The following CDK13 variants were observed in gnomAD, a reference collection of about 807,000 sequenced individuals.
CDK13 encodes cyclin-dependent kinase 13.
A neutral mutation model predicts 137.6 loss-of-function variants in CDK13; 40 were observed. The observed-to-expected ratio is 0.29, with a 90% CI of 0.23 to 0.38. The LOEUF (loss-of-function observed/expected upper bound fraction) is 0.38. CDK13 is among the 10% of genes least tolerant of loss of function. The pLI is 1.00. For synonymous variants in CDK13, 869 were observed against 760.1 expected (o/e 1.14, Z -2.36); for missense variants, 1,704 against 1,951.8 (o/e 0.87, Z 2.39).
intron 12 of CDK13, among the ~76,000 whole-genome samples, chr7:40,089,095 G>A (rs1786856531): frequency 2.0e-5 from 3 of 151,044 alleles, no homozygotes; most frequent in Admixed American, 1.3e-4. Flanking sequence ...ATGTGTGTGT[G>A]TGTGTGTGAG....
chr7:40,088,972 C>T (rs966653683), intron 12 of CDK13, among the ~76,000 whole-genome samples: 5 of 151,818 alleles, frequency 3.3e-5, no homozygotes, highest in East Asian at 1.9e-4. Flanking sequence ...CCCAGCTACT[C>T]GGATGCTGAG....
At chr7:39,972,697 C>G (rs1784025832) in intron 1 of CDK13, among the ~76,000 whole-genome samples, 1 of 152,102 alleles carries the variant, frequency 6.6e-6, no homozygotes, top group East Asian at 1.9e-4. Context: ...GGTTATGCCA[C>G]ATTTTATCAT....
rs1562692808 is a variant in CDK13, at chr7:39,951,543, G to C, written c.902G>C (p.Arg301Pro). 6.5e-7 allele frequency: 1 copy of C among 1,537,462 alleles called. No homozygotes were observed. Among genetic ancestry groups the C allele is most frequent in the Non-Finnish European group, 8.7e-7 (1 of 1,144,396 alleles). Reference protein sequence around the residue: ...SAYKEPPKAYREDKTEPKAYR... With the variant: ...SAYKEPPKAYPEDKTEPKAYR... ...TACAAGGAACCGCCCAAGGCCTACC[G>C]GGAGGACAAGACCGAGCCTAAGGCC... Residue 301 changes from arginine to proline, a missense_variant, in exon 1 of 14, where the codon CGG becomes CCG. Arg to Pro is a moderately radical substitution (Grantham distance 103). Around this residue, in one of 5 missense-constraint regions of CDK13, gnomAD observed 1,051 missense variants for 931.0 expected, o/e 1.13. Transcript: ENST00000181839.
At position 40,062,823 on chromosome 7, in the gene CDK13, T is replaced by A. The variant is rs1786184625; in HGVS notation, c.2601-3T>A. 6.2e-7 allele frequency: 1 copy of A among 1,603,370 alleles called. No individual in the cohort carries two copies. Among genetic ancestry groups the A allele is most frequent in the South Asian group, 1.1e-5 (1 of 90,748 alleles). On this transcript the variant is annotated splice_polypyrimidine_tract_variant and splice_region_variant and intron_variant, in intron 7 of 13. Transcript: ENST00000181839. ...TCTAAAGACTGTTTTCTGTGTTTTT[T>A]AGTCGGCCGTATACTAACAAGGTAA...
chr7:40,078,317 T>C (rs906100780), intron 10 of CDK13, 196 bp downstream of exon 10: 8 of 415,734 alleles, frequency 1.9e-5, no homozygotes, highest in South Asian at 1.8e-4. Flanking sequence ...TGAGATTGTG[T>C]GTTTGGTTTG....
intron 1 of CDK13, among the ~76,000 whole-genome samples, chr7:39,966,297 C>A (rs1783868713): frequency 6.6e-6 from 1 of 152,198 alleles, no homozygotes; most frequent in South Asian, 2.1e-4. Context: ...TTCCATATTT[C>A]TTGGAGGCTT....
At chr7:40,021,151 A>ACACACACG (rs1438280850) in intron 5 of CDK13, among the ~76,000 whole-genome samples, 1 of 151,218 alleles carries the variant, frequency 6.6e-6, no homozygotes, top group Non-Finnish European at 1.5e-5. Context: ...ACACACACAC[A>ACACACACG]TAAAGTTTTA....
intron 6 of CDK13, among the ~76,000 whole-genome samples, chr7:40,046,560 T>G (rs1461830261): frequency 6.6e-6 from 1 of 151,966 alleles, no homozygotes; most frequent in Non-Finnish European, 1.5e-5. Context: ...GGCATGAGAA[T>G]TGCTTGAATC....
chr7:40,032,076 T>C (rs2150505633), intron 5 of CDK13, among the ~76,000 whole-genome samples: 1 of 152,058 alleles, frequency 6.6e-6, no homozygotes, highest in Admixed American at 6.6e-5. Context: ...TTTTGTTTTG[T>C]TTCAGGTCCT....
chr7:40,051,125 A>G (rs1297563247), intron 7 of CDK13, among the ~76,000 whole-genome samples: 1 of 152,192 alleles, frequency 6.6e-6, no homozygotes, highest in East Asian at 1.9e-4. Context: ...TTAAAGTCCC[A>G]TAACTTTGCA....
chr7:40,041,657 A>G (rs1375893114), intron 5 of CDK13, among the ~76,000 whole-genome samples: 1 of 152,140 alleles, frequency 6.6e-6, no homozygotes, highest in Admixed American at 6.5e-5. Flanking sequence ...TGTGTTACAT[A>G]ATGCCACCAA....
At chr7:40,053,355 T>C (rs1785935310) in intron 7 of CDK13, among the ~76,000 whole-genome samples, 2 of 152,214 alleles carry the variant, frequency 1.3e-5, no homozygotes, top group South Asian at 4.1e-4. Flanking sequence ...TTTCCCGTTT[T>C]AGTTAAAGGT....
intron 1 of CDK13, among the ~76,000 whole-genome samples, chr7:39,979,807 AAGAG>A (rs1239132802): frequency 6.6e-6 from 1 of 152,122 alleles, no homozygotes; most frequent in African/African-American, 2.4e-5. Flanking sequence ...ATTTTTATAA[AAGAG>A]AGGCTGTAGG....
chr7:39,954,740 A>G (rs185437374), intron 1 of CDK13, among the ~76,000 whole-genome samples: 2 of 152,352 alleles, frequency 1.3e-5, no homozygotes, highest in East Asian at 3.9e-4. Context: ...ATGCATACAC[A>G]TTCAAAATAG....
intron 5 of CDK13, among the ~76,000 whole-genome samples, chr7:40,027,762 G>A (rs908504381): frequency 2.0e-5 from 3 of 149,814 alleles, no homozygotes; most frequent in African/African-American, 7.4e-5. Context: ...AGATTGGGCA[G>A]TTGGAGCCTT....
At chr7:40,057,816 G>A (rs1373092426) in intron 7 of CDK13, among the ~76,000 whole-genome samples, 2 of 152,214 alleles carry the variant, frequency 1.3e-5, no homozygotes, top group Non-Finnish European at 2.9e-5. Context: ...TGTGATGATA[G>A]AGGAATTTAA....
Position 39,997,488 on chromosome 7 carries a change from T to C in CDK13, c.1872-6T>C. On this transcript the variant is annotated splice_polypyrimidine_tract_variant and splice_region_variant and intron_variant, in intron 2 of 13. Transcript: ENST00000181839. ...GTTTTATTTGTCTGACTTCTTTCAC[T>C]TTCAGCTTACGAGGAAATATTTCAG... is the stretch of plus-strand genomic sequence containing the variant. 3.1e-6 allele frequency: 5 copies of C among 1,588,872 alleles called. No homozygotes were observed. The highest frequency in any genetic ancestry group is 4.3e-6 in the Non-Finnish European group (5 of 1,174,114).
At chr7:40,040,818 T>C (rs1397262102) in intron 5 of CDK13, among the ~76,000 whole-genome samples, 1 of 152,160 alleles carries the variant, frequency 6.6e-6, no homozygotes, top group Non-Finnish European at 1.5e-5. Flanking sequence ...TTTTAACCTG[T>C]TTAACTGTAA....
At position 40,088,326 on chromosome 7, in the gene CDK13, C is replaced by T. The variant is rs765226227; in HGVS notation, c.3230C>T (p.Ala1077Val). ...AAATCTCAGGGCAGCTCAAATGTGG[C>T]ACCTGGTCAGTAATGCTTCCATGGG... is the stretch of plus-strand genomic sequence containing the variant. ...QLKSQGSSNV[A>V]PVKTGPGQHL... Residue 1077 changes from alanine (A) to valine (V), a missense_variant, in exon 12 of 14, where the codon GCA becomes GTA. Physicochemically the swap from Ala to Val is moderately conservative, Grantham distance 64. Coordinates refer to ENST00000181839, the MANE Select transcript of CDK13 (RefSeq NM_003718.5). 6.8e-6 allele frequency: 11 copies of T among 1,610,346 alleles called. No homozygotes were observed. In the South Asian group the frequency reaches 1.2e-4, roughly 18 times the overall value.
Sources: gnomAD v4.1 joint callset for allele counts (sites outside exome capture counted in the v4.1 genomes callset) on GRCh38, gnomAD v4.1.1 for gene constraint, gnomAD v4.1.1 regional missense constraint, MANE v1.5 for transcripts, NCBI Gene and HGNC (gene_info 2026-07-23, HGNC 2026-07-21) for gene names.